Variants in ZNF638 observed in about 807,000 individuals in gnomAD.
ZNF638 encodes zinc finger protein 638.
ZNF638 carries 46 observed loss-of-function variants against 195.6 expected under a neutral mutation model. That is an observed-to-expected ratio of 0.24 (90% confidence interval 0.19 to 0.30). ZNF638 has a LOEUF of 0.30. ZNF638 is among the 10% of genes least tolerant of loss of function. The pLI, the probability that ZNF638 is intolerant of heterozygous loss-of-function variation, is 1.00. For missense variants in ZNF638, 2,440 were observed against 2,325.3 expected (o/e 1.05, Z -1.01); for synonymous variants, 845 against 772.0 (o/e 1.09, Z -1.57).
chr2:71,387,245 A>C (rs538177650), intron 10 of ZNF638, among the ~76,000 whole-genome samples: 1 of 152,322 alleles, frequency 6.6e-6, no homozygotes, highest in East Asian at 1.9e-4. Flanking sequence ...AAAAAGTAGG[A>C]CAGAAGAGAG....
At chr2:71,433,960 T>C (rs1002193282) in intron 27 of ZNF638, among the ~76,000 whole-genome samples, 1 of 152,204 alleles carries the variant, frequency 6.6e-6, no homozygotes, top group Non-Finnish European at 1.5e-5. Flanking sequence ...AGCTAGTTAG[T>C]AGCAGACCTA....
chr2:71,402,169 A>G (rs953561461), intron 16 of ZNF638, 82 bp downstream of exon 16: 2 of 1,417,516 alleles, frequency 1.4e-6, no homozygotes, highest in Middle Eastern at 2.5e-4. Context: ...ACTAAAAAGA[A>G]AAGGTTTAAA....
At chr2:71,360,862 C>CTAGT (rs1415295009) in intron 3 of ZNF638, among the ~76,000 whole-genome samples, 1 of 152,168 alleles carries the variant, frequency 6.6e-6, no homozygotes, top group East Asian at 1.9e-4. Flanking sequence ...ACATTTTTGA[C>CTAGT]TAGTTGGGCA....
At chr2:71,410,466 C>G (rs1038218374) in intron 20 of ZNF638, among the ~76,000 whole-genome samples, 1 of 152,016 alleles carries the variant, frequency 6.6e-6, no homozygotes, top group African/African-American at 2.4e-5. Context: ...CACCCTGGGC[C>G]TTCCAAAGTG....
Position 71,354,343 on chromosome 2 carries a change from C to CTTT in ZNF638, c.1318-1364_1318-1362dup, listed in dbSNP as rs11372261. ...ACTGTATCTTTGTAAACTGTATTGG[C>CTTT]TTTTTTTTTTTTTTAACCAGATGTA... On this transcript the variant is annotated intron_variant, in intron 2 of 27. Transcript: ENST00000264447. Among the ~76,000 whole-genome samples, 58 of 143,658 alleles carry CTTT rather than the reference C, an allele frequency of 4.0e-4. 2 individuals are homozygous for CTTT. The East Asian group carries it at 0.011, about 28-fold the overall frequency. 94.2% of individuals were successfully genotyped at this position (143,658 alleles called of 152,430 possible).
rs2080482146 is a variant in ZNF638 at position 71,423,956 on chromosome 2, T to C, written c.4442T>C (p.Leu1481Pro). The C allele has an allele frequency of 1.2e-6, 2 of 1,614,068 alleles. No individual in the cohort carries two copies. The highest frequency in any genetic ancestry group is 2.2e-5 in the South Asian group (2 of 91,074). ...ISALQGKLSK[L>P]DYRDITKQSQ... ...GCCCTGCAAGGCAAGCTTTCTAAAC[T>C]GGATTACAGAGATATAACAAAACAA... Residue 1481 changes from leucine (L) to proline (P), a missense_variant, in exon 22 of 28, where the codon CTG becomes CCG. Leu to Pro is a moderately conservative substitution (Grantham distance 98). Transcript: ENST00000264447.
chr2:71,392,065 A>G (rs889927097), intron 10 of ZNF638, among the ~76,000 whole-genome samples: 2 of 152,222 alleles, frequency 1.3e-5, no homozygotes, highest in Non-Finnish European at 1.5e-5. Context: ...TATGGGCTGC[A>G]GACGATGCAA....
In ZNF638 at chr2:71,409,918, A is replaced by T. The variant is rs148919032; in HGVS notation, c.3261+1671A>T. 1.5e-3 allele frequency among the ~76,000 whole-genome samples: 226 copies of T among 151,870 alleles called. 1 individual carries two copies. The highest frequency in any genetic ancestry group is 5.2e-3 in the African/African-American group (215 of 41,410). ...TGTTTGCTAGAGTACATTCTCAAGTATTTTTTTTACCCCAGAAAGTATGTG... is the reference window on the plus strand; with the variant it reads ...TGTTTGCTAGAGTACATTCTCAAGTTTTTTTTTTACCCCAGAAAGTATGTG... On this transcript the variant is annotated intron_variant, in intron 20 of 27. Transcript: ENST00000264447.
Position 71,368,503 on chromosome 2 carries a change from T to C in ZNF638, c.2117T>C (p.Val706Ala), listed in dbSNP as rs747740767. The stretch of plus-strand genomic sequence containing the variant: ...CAACCATTTGGGAAAGTGAATGATG[T>C]CCTAATTGTTCCATATAGAAAAGAG... ...LFQPFGKVND[V>A]LIVPYRKEAY... The change falls in exon 7 of 28, where the codon GTC (valine) becomes GCC (alanine). Residue 706 changes from valine (V) to alanine (A), a missense_variant. Val to Ala is a moderately conservative substitution (Grantham distance 64, BLOSUM62 0). Transcript: ENST00000264447. 1 of 1,612,688 alleles carries C rather than the reference T, an allele frequency of 6.2e-7. No homozygotes were observed. Among genetic ancestry groups the C allele is most frequent in the Non-Finnish European group, 8.5e-7 (1 of 1,179,548 alleles).
intron 13 of ZNF638, 54 bp from the exon 14 acceptor site, chr2:71,400,058 A>T: frequency 3.6e-6 from 5 of 1,389,324 alleles, no homozygotes; most frequent in Non-Finnish European, 4.9e-6. Context: ...TAGATTCATT[A>T]GTTTAATTAT....
At chr2:71,363,829 CAT>C in intron 4 of ZNF638, 123 bp from the exon 5 acceptor site, 1 of 1,207,968 alleles carries the variant, frequency 8.3e-7, no homozygotes, top group Non-Finnish European at 1.1e-6. Context: ...GTTTTAAGTA[CAT>C]ATCTTTTATG....
chr2:71,390,787 GA>G (rs1469976722), intron 10 of ZNF638, among the ~76,000 whole-genome samples: 1 of 152,062 alleles, frequency 6.6e-6, no homozygotes, highest in Non-Finnish European at 1.5e-5. Flanking sequence ...GGGTCACTCA[GA>G]AACAAAAAAT....
intron 26 of ZNF638, among the ~76,000 whole-genome samples, chr2:71,431,759 CAAA>C (rs67530729): frequency 9.8e-6 from 1 of 102,222 alleles, no homozygotes; most frequent in Non-Finnish European, 2.1e-5. Context: ...GACTCCGTCT[CAAA>C]AAAAAAAAAA....
At chr2:71,419,566 G>C (rs1417554012) in intron 21 of ZNF638, among the ~76,000 whole-genome samples, 1 of 152,158 alleles carries the variant, frequency 6.6e-6, no homozygotes, top group African/African-American at 2.4e-5. Flanking sequence ...GTAACATTAA[G>C]CAATAGGTTT....
intron 10 of ZNF638, among the ~76,000 whole-genome samples, chr2:71,382,424 G>A (rs1428129200): frequency 6.6e-6 from 1 of 152,168 alleles, no homozygotes; most frequent in Non-Finnish European, 1.5e-5. Flanking sequence ...GAAAGGAAGG[G>A]TACTTGATAA....
intron 3 of ZNF638, 143 bp from the exon 4 acceptor site, chr2:71,363,006 TTTGA>T (rs2079134763): frequency 1.5e-6 from 1 of 686,458 alleles, no homozygotes; most frequent in South Asian, 1.7e-5. Context: ...AGCATAATAC[TTTGA>T]TTATTTATTG....
chr2:71,427,378 G>A lies in ZNF638; in HGVS notation c.5509G>A (p.Glu1837Lys), dbSNP rs1327840441. The change falls in exon 24 of 28, where the codon GAA becomes AAA. Residue 1837 changes from glutamate to lysine, a missense_variant. Around this residue, in one of 5 missense-constraint regions of ZNF638, gnomAD observed 1,883 missense variants for 1,739.1 expected, o/e 1.08. Transcript: ENST00000264447. ...VGPVNENVME[E>K]DLKTMIERHL... is the part of the protein sequence containing the mutation. ...TCCAGTAAATGAGAATGTTATGGAA[G>A]AAGATCTAAAAACCATGATTGAAAG... 8 of 1,582,994 alleles carry A rather than the reference G, an allele frequency of 5.1e-6. No individual in the cohort carries two copies. Among genetic ancestry groups the A allele is most frequent in the Non-Finnish European group, 6.8e-6 (8 of 1,171,318 alleles).
At chr2:71,399,880 A>G (rs374045844) in intron 13 of ZNF638, among the ~76,000 whole-genome samples, 6 of 152,096 alleles carry the variant, frequency 3.9e-5, no homozygotes, top group East Asian at 1.9e-4. Flanking sequence ...GTTTCCCTCT[A>G]TGGGTCCATT....
intron 10 of ZNF638, among the ~76,000 whole-genome samples, chr2:71,383,636 A>G (rs1426029739): frequency 1.4e-5 from 2 of 140,994 alleles, no homozygotes; most frequent in Admixed American, 1.4e-4. Flanking sequence ...GTACAGTGGC[A>G]TGATCTTGGC....
Sources: allele counts gnomAD v4.1 joint callset (sites outside exome capture counted in the v4.1 genomes callset), GRCh38; gene constraint gnomAD v4.1.1; regional missense constraint gnomAD v4.1.1; transcripts MANE v1.5; gene names NCBI Gene and HGNC (gene_info 2026-07-23, HGNC 2026-07-21).